JAK1: variants seen among roughly 807,000 people sequenced by gnomAD.
JAK1 encodes Janus kinase 1.
In JAK1, 16 loss-of-function variants were observed where a neutral mutation model predicts 136.6. The observed-to-expected ratio is 0.12, with a 90% CI of 0.08 to 0.18. JAK1 has a LOEUF of 0.18. Among genes scored for constraint, JAK1 ranks in the 10% least tolerant of loss-of-function variants. JAK1 has a pLI of 1.00. For synonymous variants in JAK1, 492 were observed against 519.5 expected (o/e 0.95, Z 0.72); for missense variants, 859 against 1,450.1 (o/e 0.59, Z 6.62).
chr1:64,921,321 A>G (rs967691578), intron 1 of JAK1, among the ~76,000 whole-genome samples: 1 of 152,112 alleles, frequency 6.6e-6, no homozygotes, highest in Non-Finnish European at 1.5e-5. Flanking sequence ...TAGGACCCCA[A>G]GTTAGTTGTC....
At chr1:64,874,212 C>G (rs952470123) in intron 4 of JAK1, among the ~76,000 whole-genome samples, 3 of 152,160 alleles carry the variant, frequency 2.0e-5, no homozygotes, top group Admixed American at 6.5e-5. Flanking sequence ...CTACAAAAGC[C>G]TGTTCTCTTA....
In JAK1 at chr1:64,834,492, A is replaced by C; in HGVS notation, c.*70T>G. On this transcript the variant is annotated 3_prime_UTR_variant, in exon 25 of 25. Coordinates refer to ENST00000342505, the MANE Select transcript of JAK1 (RefSeq NM_002227.4). ...ACTTCTTTCATTAGAAATTTTTAAA[A>C]AATGACTTGGGCATTTGTTGCAGGA... is the stretch of plus-strand genomic sequence containing the variant. 9.2e-7 allele frequency: 1 copy of C among 1,083,786 alleles called. No individual in the cohort carries two copies. The highest frequency in any genetic ancestry group is 1.3e-5 in the South Asian group (1 of 74,318). 67.1% of individuals were successfully genotyped at this position (1,083,786 alleles called of 1,614,324 possible).
At chr1:65,025,387 A>G (rs946148006) in intron 2 of JAK1, among the ~76,000 whole-genome samples, 1 of 152,216 alleles carries the variant, frequency 6.6e-6, no homozygotes, top group African/African-American at 2.4e-5. Flanking sequence ...CGGGGATGTC[A>G]AAAACTAGCA....
chr1:64,964,441 T>C (rs1047426638), intron 1 of JAK1, among the ~76,000 whole-genome samples: 2 of 152,268 alleles, frequency 1.3e-5, no homozygotes, highest in Admixed American at 1.3e-4. Flanking sequence ...CAGTCGGAAG[T>C]ATATGGCTTT....
chr1:65,007,064 G>A (rs1646809298), intron 2 of JAK1, among the ~76,000 whole-genome samples: 1 of 152,196 alleles, frequency 6.6e-6, no homozygotes, highest in Admixed American at 6.5e-5. Context: ...AACAAGTTTA[G>A]CTTGGGGCTT....
intron 1 of JAK1, among the ~76,000 whole-genome samples, chr1:64,945,670 C>A (rs1035819926): frequency 7.3e-6 from 1 of 137,048 alleles, no homozygotes. Context: ...ACGAAGTTGA[C>A]GGACAAACAA....
intron 1 of JAK1, chr1:64,918,446 T>C (rs1645436858): frequency 6.6e-6 from 1 of 152,526 alleles, no homozygotes; most frequent in Non-Finnish European, 1.5e-5. Flanking sequence ...GAAAACATGC[T>C]CCACCAGGTC....
chr1:65,018,151 T>C (rs951088460), intron 2 of JAK1, among the ~76,000 whole-genome samples: 1 of 152,032 alleles, frequency 6.6e-6, no homozygotes, highest in Non-Finnish European at 1.5e-5. Flanking sequence ...GACTTAAAAA[T>C]TACTTCATAT....
intron 1 of JAK1, among the ~76,000 whole-genome samples, chr1:64,913,649 AAGGAAAGAAGGAAGGAAGGAAG>A (rs1645327666): frequency 1.1e-5 from 1 of 88,136 alleles, no homozygotes; most frequent in Non-Finnish European, 2.1e-5. Context: ...GGGAGGAAGG[AAGGAAAGAAGGAAGGAAGGAAG>A]GAAGGAAGGA....
At chr1:64,924,072 G>A (rs1002253592) in intron 1 of JAK1, among the ~76,000 whole-genome samples, 3 of 152,162 alleles carry the variant, frequency 2.0e-5, no homozygotes, top group Non-Finnish European at 4.4e-5. Context: ...AACTCTGAAT[G>A]CAATAACTAT....
chr1:65,067,363 CG>C (rs1351781036), intron 1 of JAK1, among the ~76,000 whole-genome samples: 38 of 149,534 alleles, frequency 2.5e-4, no homozygotes, highest in African/African-American at 8.7e-4. Flanking sequence ...CCAGCCTCGC[CG>C]GAGCCGCTCT....
chr1:64,913,686 A>AAGAAGGAAGGAAGGAAGGAAGGAAGGAG (rs1557686607), intron 1 of JAK1, among the ~76,000 whole-genome samples: 2 of 28,906 alleles, frequency 6.9e-5, no homozygotes, highest in African/African-American at 2.1e-4. Context: ...GAAGGAAGGA[A>AAGAAGGAAGGAAGGAAGGAAGGAAGGAG]GGAAGGAAGG....
At position 64,844,923 on chromosome 1, in the gene JAK1, G is replaced by T. The variant is rs374347327; in HGVS notation, c.2116-34C>A. ...TAAAAAGGTCAAGTTTAGCCAAGCT[G>T]CTCCTTCCCGCATTCTATTTCCAAC... On this transcript the variant is annotated intron_variant, in intron 15 of 24. Transcript: ENST00000342505. This position sits in a 1 kb window ranked among gnomAD's most constrained non-coding sequence, Gnocchi z 5.7. 1.9e-4 allele frequency: 307 copies of T among 1,613,490 alleles called. No individual in the cohort carries two copies. Among genetic ancestry groups the T allele is most frequent in the Non-Finnish European group, 1.5e-4 (173 of 1,179,632 alleles).
At chr1:64,952,586 G>A (rs1646110997) in intron 1 of JAK1, among the ~76,000 whole-genome samples, 2 of 152,132 alleles carry the variant, frequency 1.3e-5, no homozygotes, top group Admixed American at 6.5e-5. Flanking sequence ...GGCAAGAAAT[G>A]TATAGGGAAG....
chr1:65,052,765 G>A (rs1647339000), intron 1 of JAK1, among the ~76,000 whole-genome samples: 1 of 149,550 alleles, frequency 6.7e-6, no homozygotes, highest in Non-Finnish European at 1.5e-5. Context: ...AGTGAGCTGA[G>A]ATCGCGCCAC....
At chr1:64,927,207 C>A (rs1327797096) in intron 1 of JAK1, among the ~76,000 whole-genome samples, 3 of 152,050 alleles carry the variant, frequency 2.0e-5, no homozygotes, top group Non-Finnish European at 4.4e-5. Context: ...CACGGTCTCC[C>A]GTGTCCCCTC....
intron 2 of JAK1, among the ~76,000 whole-genome samples, chr1:64,981,445 A>T (rs1271020916): frequency 6.6e-6 from 1 of 152,198 alleles, no homozygotes; most frequent in Non-Finnish European, 1.5e-5. Flanking sequence ...CAGTGCCTCC[A>T]GGGTAAAATG....
In JAK1 at chr1:64,850,913, G is replaced by A. The variant is rs1446979217; in HGVS notation, c.1649-3C>T. On this transcript the variant is annotated splice_polypyrimidine_tract_variant and splice_region_variant and intron_variant, in intron 11 of 24. Coordinates refer to ENST00000342505, the MANE Select transcript of JAK1 (RefSeq NM_002227.4). ...AGCCACCAGCAGGTTGGAGATTTCT[G>A]TGGAAGAGATTGGGGGAGTCTGAGC... The A allele has an allele frequency of 1.2e-6, 2 of 1,604,352 alleles. No homozygotes were observed. The highest frequency in any genetic ancestry group is 1.1e-5 in the South Asian group (1 of 90,808).
intron 1 of JAK1, among the ~76,000 whole-genome samples, chr1:64,963,641 A>T (rs1263227343): frequency 6.6e-6 from 1 of 152,202 alleles, no homozygotes; most frequent in African/African-American, 2.4e-5. Flanking sequence ...AGCACGTCAC[A>T]GTTTCCATGC....
Sources: allele counts gnomAD v4.1 joint callset (sites outside exome capture counted in the v4.1 genomes callset), GRCh38; gene constraint gnomAD v4.1.1; non-coding constraint Gnocchi (gnomAD v3.1); transcripts MANE v1.5; gene names NCBI Gene and HGNC (gene_info 2026-07-23, HGNC 2026-07-21).